AKAP8: variants seen among roughly 807,000 people sequenced by gnomAD.
AKAP8 encodes A-kinase anchor protein 8.
In AKAP8, 24 loss-of-function variants were observed where a neutral mutation model predicts 67.5. The observed-to-expected ratio is 0.36, with a 90% CI of 0.26 to 0.50. AKAP8 has a LOEUF of 0.50. Among genes scored for constraint, AKAP8 ranks in the 20% least tolerant of loss-of-function variants. The probability of loss-of-function intolerance (pLI) is 0.97; values close to 1 mark genes in which losing one functional copy is unlikely to be tolerated. For missense variants in AKAP8, 971 were observed against 955.9 expected (o/e 1.02, Z -0.21); for synonymous variants, 400 against 371.1 (o/e 1.08, Z -0.90).
intron 2 of AKAP8, among the ~76,000 whole-genome samples, chr19:15,375,181 C>A (rs976813866): frequency 1.3e-5 from 2 of 152,168 alleles, no homozygotes; most frequent in African/African-American, 4.8e-5. Flanking sequence ...ACAAAGGAAG[C>A]CCTCGTGCCC....
chr19:15,364,270 T>G (rs1482524503), intron 9 of AKAP8, among the ~76,000 whole-genome samples: 1 of 150,088 alleles, frequency 6.7e-6, no homozygotes, highest in African/African-American at 2.4e-5. Flanking sequence ...CAAGCGATTC[T>G]CCTGCCTCAG....
chr19:15,371,857 A>C, intron 7 of AKAP8, 95 bp downstream of exon 7: 1 of 1,404,502 alleles, frequency 7.1e-7, no homozygotes, highest in Non-Finnish European at 9.9e-7. Context: ...AGTCAAATCT[A>C]CCATGGCAGC....
chr19:15,366,099 T>TAA (rs1555754955), intron 9 of AKAP8, among the ~76,000 whole-genome samples: 1 of 83,828 alleles, frequency 1.2e-5, no homozygotes, highest in Non-Finnish European at 2.3e-5. Flanking sequence ...TTTTTTTTTT[T>TAA]AAAAAAAGTC....
chr19:15,377,986 G>A (rs988425814), intron 1 of AKAP8, among the ~76,000 whole-genome samples: 2 of 152,166 alleles, frequency 1.3e-5, no homozygotes, highest in East Asian at 1.9e-4. Flanking sequence ...TGGCCACCAT[G>A]CCTGTTAAAT....
intron 1 of AKAP8, among the ~76,000 whole-genome samples, chr19:15,378,503 T>C (rs953127191): frequency 5.3e-5 from 8 of 152,104 alleles, no homozygotes; most frequent in Non-Finnish European, 1.2e-4. Context: ...AGAAAAGATC[T>C]GATGGGAAAG....
rs777933331 is a variant in AKAP8 at position 15,364,329 on chromosome 19, A to AT, written c.1161-2079dup. Among the ~76,000 whole-genome samples the AT allele has an allele frequency of 6.0e-4, 86 of 142,732 alleles. No individual in the cohort carries two copies. The Middle Eastern group carries it at 0.027, about 45-fold the overall frequency. The allele number at this position is 142,732 out of a possible 152,430, so 93.6% of individuals were successfully genotyped here. On this transcript the variant is annotated intron_variant, in intron 9 of 13. Coordinates refer to ENST00000269701, the MANE Select transcript of AKAP8 (RefSeq NM_005858.4). ...GGGGCCCGCCACCAAGCCTGGCTAAATTTTTGTATTTTTATTTTATTTTAT... is the reference window on the plus strand; with the variant it reads ...GGGGCCCGCCACCAAGCCTGGCTAAATTTTTTGTATTTTTATTTTATTTTAT...
rs201828341 is a variant in AKAP8 at position 15,360,947 on chromosome 19, G to T, written c.1428C>A (p.Ile476=). The change falls in exon 12 of 14, where the codon ATC becomes ATA. Residue 476 remains isoleucine, a synonymous_variant. Coordinates refer to ENST00000269701, the MANE Select transcript of AKAP8 (RefSeq NM_005858.4). ...GIGQEHFFKK[I]EAAHCLACDM... ...CGCAGGCCAGGCAGTGAGCAGCCTCGATCTTCTTGAAGAAGTGCTCCTGGC... is the reference window on the plus strand; with the variant it reads ...CGCAGGCCAGGCAGTGAGCAGCCTCTATCTTCTTGAAGAAGTGCTCCTGGC... 125 of 1,613,412 alleles carry T rather than the reference G, an allele frequency of 7.7e-5. No homozygotes were observed. The Middle Eastern group carries it at 8.3e-4, about 11-fold the overall frequency.
Position 15,374,583 on chromosome 19 carries a change from C to T in AKAP8, c.91+20G>A. On this transcript the variant is annotated intron_variant, in intron 3 of 13. Coordinates refer to ENST00000269701, the MANE Select transcript of AKAP8 (RefSeq NM_005858.4). ...AGGCCCACTTGCCCGCCCACAGACC[C>T]CCCCCACAGAAGGGCTTACCTTGCC... is the stretch of plus-strand genomic sequence containing the variant. 1 of 1,612,636 alleles carries T rather than the reference C, an allele frequency of 6.2e-7. No homozygotes were observed. The highest frequency in any genetic ancestry group is 8.5e-7 in the Non-Finnish European group (1 of 1,179,240).
rs1253259287 is a variant in AKAP8, at chr19:15,355,257, T to A, written c.1737A>T (p.Ala579=). 6.2e-7 allele frequency: 1 copy of A among 1,612,554 alleles called. No individual in the cohort carries two copies. Among genetic ancestry groups the A allele is most frequent in the Non-Finnish European group, 8.5e-7 (1 of 1,180,028 alleles). The part of the protein sequence containing the change: ...TPEEVAADVL[A]EVITAAVRAV... ...CCCTCACTGCTGCTGTAATCACCTC[T>A]GCTAAGACGTCCGCGGCCACCTCCT... Residue 579 remains alanine (A), a synonymous_variant, in exon 14 of 14, where the codon GCA becomes GCT. Coordinates refer to ENST00000269701, the MANE Select transcript of AKAP8 (RefSeq NM_005858.4).
chr19:15,372,052 T>C lies in AKAP8; in HGVS notation c.992-54A>G, dbSNP rs372457349. 6.7e-5 allele frequency: 108 copies of C among 1,612,456 alleles called. No individual in the cohort carries two copies. The African/African-American group carries it at 1.4e-3, about 21-fold the overall frequency. ...GTCCCCGGAGAACGGTCCCATCCGG[T>C]TTCCGCCCTCCCAAGCTCGCCATCC... On this transcript the variant is annotated intron_variant, in intron 6 of 13. Transcript: ENST00000269701.
chr19:15,373,841 C>T lies in AKAP8; in HGVS notation c.316G>A (p.Glu106Lys). The T allele has an allele frequency of 6.2e-7, 1 of 1,612,518 alleles. No individual in the cohort carries two copies. ...CCGCCGCTCCCGCCCCTGCCTCCTT[C>T]CTTGGACATCATGTCCAAACGCTGG... ...INQRLDMMSK[E>K]GGRGGSGGGG... The change falls in exon 4 of 14, where the codon GAA becomes AAA. Residue 106 changes from glutamate (E) to lysine (K), a missense_variant. Glu to Lys is a moderately conservative substitution (Grantham distance 56). Transcript: ENST00000269701.
At chr19:15,367,762 C>A (rs1453165949) in intron 9 of AKAP8, among the ~76,000 whole-genome samples, 2 of 152,230 alleles carry the variant, frequency 1.3e-5, no homozygotes, top group African/African-American at 4.8e-5. Context: ...CTCTACCTGT[C>A]TCCTAGCTGT....
chr19:15,367,951 T>C (rs4808299), intron 9 of AKAP8, among the ~76,000 whole-genome samples: 1 of 152,136 alleles, frequency 6.6e-6, no homozygotes, highest in African/African-American at 2.4e-5. Context: ...TCCAGAGGAA[T>C]AGAGACACAG....
intron 13 of AKAP8, among the ~76,000 whole-genome samples, chr19:15,356,402 G>A (rs2145057692): frequency 7.2e-6 from 1 of 139,114 alleles, no homozygotes; most frequent in East Asian, 2.2e-4. Flanking sequence ...GACAGAGTCA[G>A]ACTCCATCTC....
At chr19:15,377,213 A>C (rs1296868140) in intron 1 of AKAP8, among the ~76,000 whole-genome samples, 199 bp from the exon 2 acceptor site, 2 of 152,178 alleles carry the variant, frequency 1.3e-5, no homozygotes, top group Non-Finnish European at 2.9e-5. Flanking sequence ...AGATCAAAGC[A>C]GAAAAAGAAG....
At chr19:15,361,013 C>A in intron 11 of AKAP8, 35 bp from the exon 12 acceptor site, 2 of 1,601,732 alleles carry the variant, frequency 1.2e-6, no homozygotes, top group Non-Finnish European at 1.7e-6. Context: ...GGATCTGGGA[C>A]AGCAAGTGAT....
chr19:15,377,841 C>T (rs890411179), intron 1 of AKAP8, among the ~76,000 whole-genome samples: 1 of 152,164 alleles, frequency 6.6e-6, no homozygotes. Context: ...GGCCCTAAGG[C>T]ATCAGACAGC....
intron 1 of AKAP8, among the ~76,000 whole-genome samples, chr19:15,377,358 C>A (rs1967270744): frequency 6.6e-6 from 1 of 152,236 alleles, no homozygotes; most frequent in Admixed American, 6.5e-5. Context: ...GTTCCCCCAC[C>A]CACCACACAG....
At chr19:15,355,899 GC>G (rs1331648148) in intron 13 of AKAP8, among the ~76,000 whole-genome samples, 6 of 152,016 alleles carry the variant, frequency 3.9e-5, no homozygotes, top group Admixed American at 3.3e-4. Context: ...ACCACGCCCG[GC>G]TAATTTTGTA....
Sources: allele counts gnomAD v4.1 joint callset (sites outside exome capture counted in the v4.1 genomes callset), GRCh38; gene constraint gnomAD v4.1.1; transcripts MANE v1.5; gene names NCBI Gene and HGNC (gene_info 2026-07-23, HGNC 2026-07-21).